The following ROBO1 variants were observed in gnomAD, a reference collection of about 807,000 sequenced individuals.
ROBO1 encodes the protein roundabout guidance receptor 1.
ROBO1 carries 149 observed loss-of-function variants against 195.9 expected under a neutral mutation model. The ratio of observed to expected loss-of-function variants is 0.76; its 90% CI spans 0.67 to 0.87. The LOEUF (loss-of-function observed/expected upper bound fraction) is 0.87, where lower values mean the gene tolerates loss of function less well. Among genes scored for constraint, ROBO1 ranks in the 40% least tolerant of loss-of-function variants. The pLI, the probability that ROBO1 is intolerant of heterozygous loss-of-function variation, is 0.00. For missense variants in ROBO1, 1,933 were observed against 2,068.3 expected (o/e 0.93, Z 1.27); for synonymous variants, 816 against 733.2 (o/e 1.11, Z -1.82).
At chr3:79,292,983 T>C (rs1433627131) in intron 2 of ROBO1, among the ~76,000 whole-genome samples, 1 of 152,174 alleles carries the variant, frequency 6.6e-6, no homozygotes, top group Non-Finnish European at 1.5e-5. Flanking sequence ...CTGGTAGAAT[T>C]TGGCTGTGAA....
chr3:79,044,145 CA>C (rs1284160209), intron 3 of ROBO1, among the ~76,000 whole-genome samples: 97 of 146,268 alleles, frequency 6.6e-4, no homozygotes, highest in South Asian at 4.4e-3. Context: ...AAAAAAATCG[CA>C]AAAAAAAATC....
intron 2 of ROBO1, among the ~76,000 whole-genome samples, chr3:79,507,096 C>A (rs190610112): frequency 5.3e-5 from 8 of 152,166 alleles, no homozygotes; most frequent in African/African-American, 1.4e-4. Context: ...GGGGATCAAA[C>A]CTGATGATAG....
chr3:79,452,080 A>G (rs115195218), intron 2 of ROBO1, among the ~76,000 whole-genome samples: 1,959 of 152,100 alleles, frequency 0.013, 23 homozygotes, highest in Middle Eastern at 0.024. Flanking sequence ...TTTCAGGAAC[A>G]TTGTACATGT....
chr3:79,031,887 A>G (rs1334826385), intron 3 of ROBO1, among the ~76,000 whole-genome samples: 2 of 152,216 alleles, frequency 1.3e-5, no homozygotes, highest in East Asian at 3.8e-4. Context: ...ACACTTCTAC[A>G]TACAGTACTC....
intron 2 of ROBO1, among the ~76,000 whole-genome samples, chr3:79,238,088 T>C (rs896077700): frequency 4.6e-5 from 7 of 152,174 alleles, no homozygotes; most frequent in African/African-American, 1.7e-4. Flanking sequence ...GAAATAAAAT[T>C]TGATCTAGCT....
chr3:79,676,441 A>C (rs1946787145), intron 1 of ROBO1, among the ~76,000 whole-genome samples: 1 of 152,020 alleles, frequency 6.6e-6, no homozygotes, highest in South Asian at 2.1e-4. Context: ...TGGAGTTTGC[A>C]GGCTGCATTC....
At chr3:79,684,913 C>G (rs1947056245) in intron 1 of ROBO1, among the ~76,000 whole-genome samples, 1 of 151,964 alleles carries the variant, frequency 6.6e-6, no homozygotes, top group Non-Finnish European at 1.5e-5. Context: ...TGAGCTCAGG[C>G]AATCCTCCTG....
At position 79,102,257 on chromosome 3, in the gene ROBO1, T is replaced by C. The variant is rs533472880; in HGVS notation, c.172+23199A>G. ...TACCATAGATAGTATTCTTCTTTTT[T>C]ATTTCCAAACCTATTTATTTTCAGT... On this transcript the variant is annotated intron_variant, in intron 3 of 30. Coordinates refer to ENST00000464233, the MANE Select transcript of ROBO1 (RefSeq NM_002941.4). Among the ~76,000 whole-genome samples, 103 of 151,942 alleles carry C rather than the reference T, an allele frequency of 6.8e-4. No individual in the cohort carries two copies. In the Middle Eastern group the frequency reaches 0.01, roughly 15 times the overall value.
chr3:79,074,511 T>C (rs1035992014), intron 3 of ROBO1, among the ~76,000 whole-genome samples: 1 of 151,818 alleles, frequency 6.6e-6, no homozygotes, highest in African/African-American at 2.4e-5. Flanking sequence ...CTTGACCTCC[T>C]GGGCTTAAGT....
intron 2 of ROBO1, among the ~76,000 whole-genome samples, chr3:79,365,093 T>A (rs904553380): frequency 5.3e-5 from 8 of 152,194 alleles, no homozygotes; most frequent in Non-Finnish European, 8.8e-5. Context: ...TGTACGTGAA[T>A]TGCATCAGAA....
intron 2 of ROBO1, among the ~76,000 whole-genome samples, chr3:79,326,519 T>C (rs2034220831): frequency 6.6e-6 from 1 of 151,910 alleles, no homozygotes; most frequent in African/African-American, 2.4e-5. Context: ...CCAATAGTAA[T>C]GAAAGGGAAT....
At chr3:79,100,642 T>C (rs1341336336) in intron 3 of ROBO1, among the ~76,000 whole-genome samples, 1 of 151,852 alleles carries the variant, frequency 6.6e-6, no homozygotes, top group Admixed American at 6.6e-5. Flanking sequence ...TAATTTATGT[T>C]AAGTGACAAA....
intron 2 of ROBO1, among the ~76,000 whole-genome samples, chr3:79,441,129 T>C (rs927058399): frequency 6.6e-6 from 1 of 152,126 alleles, no homozygotes; most frequent in East Asian, 1.9e-4. Context: ...GATGCTAAGG[T>C]TGAGTTTCAA....
chr3:79,574,222 T>C lies in ROBO1; in HGVS notation c.88+15602A>G, dbSNP rs1440457787. Among the ~76,000 whole-genome samples the C allele has an allele frequency of 2.6e-4, 39 of 152,130 alleles. 3 individuals are homozygous for C. The highest frequency in any genetic ancestry group is 2.6e-3 in the Admixed American group (39 of 15,268). On this transcript the variant is annotated intron_variant, in intron 2 of 30. Transcript: ENST00000464233. ...AGACATTTCTGGGCTCAGTGTTTCC[T>C]CATTTTAATACAGCACTTTCAATAT...
In ROBO1 at chr3:79,482,094, C is replaced by T. The variant is rs990146351; in HGVS notation, c.88+107730G>A. Reference sequence around the variant, plus strand: ...TTTATTCAAATATGTATTATATTTACGTCTCGTGTACTTTGTAAGGACACT... The same window carrying T: ...TTTATTCAAATATGTATTATATTTATGTCTCGTGTACTTTGTAAGGACACT... On this transcript the variant is annotated intron_variant, in intron 2 of 30. Coordinates refer to ENST00000464233, the MANE Select transcript of ROBO1 (RefSeq NM_002941.4). Among the ~76,000 whole-genome samples the T allele has an allele frequency of 5.3e-5, 8 of 152,170 alleles. 1 individual carries two copies. In the South Asian group the frequency reaches 1.2e-3, roughly 24 times the overall value.
intron 3 of ROBO1, among the ~76,000 whole-genome samples, chr3:79,077,443 A>T (rs1036905376): frequency 2.6e-5 from 4 of 151,876 alleles, no homozygotes; most frequent in African/African-American, 9.7e-5. Context: ...ACAGACATGT[A>T]TGTAGATATA....
At chr3:78,711,390 C>CTTT (rs1491298185) in intron 8 of ROBO1, among the ~76,000 whole-genome samples, 16 of 35,100 alleles carry the variant, frequency 4.6e-4, no homozygotes, top group Non-Finnish European at 7.4e-4. Flanking sequence ...TTCCTTCCTT[C>CTTT]CTTCCTTCCT....
intron 1 of ROBO1, among the ~76,000 whole-genome samples, chr3:79,743,296 T>C (rs539178153): frequency 6.6e-6 from 1 of 152,344 alleles, no homozygotes; most frequent in South Asian, 2.1e-4. Flanking sequence ...CTGTATGCAA[T>C]TGTTACACAA....
At chr3:79,329,919 A>T (rs993136260) in intron 2 of ROBO1, among the ~76,000 whole-genome samples, 1 of 152,122 alleles carries the variant, frequency 6.6e-6, no homozygotes, top group Non-Finnish European at 1.5e-5. Flanking sequence ...CCCCTGTTGG[A>T]TTCAGATCAC....
Sources: gnomAD v4.1 joint callset for allele counts (sites outside exome capture counted in the v4.1 genomes callset) on GRCh38, gnomAD v4.1.1 for gene constraint, MANE v1.5 for transcripts, NCBI Gene and HGNC (gene_info 2026-07-23, HGNC 2026-07-21) for gene names.